The following PKHD1 variants were observed in gnomAD, a reference collection of about 807,000 sequenced individuals.
PKHD1 encodes PKHD1 ciliary IPT domain containing fibrocystin/polyductin.
Under a neutral mutation model 412.0 loss-of-function variants are expected in PKHD1, and 291 were observed. The observed-to-expected ratio is 0.71, with a 90% CI of 0.64 to 0.78. PKHD1 has a LOEUF of 0.78. PKHD1 is among the 30% of genes least tolerant of loss of function. The pLI is 0.00. For missense variants in PKHD1, 4,825 were observed against 4,950.7 expected (o/e 0.97, Z 0.76); for synonymous variants, 1,777 against 1,821.5 (o/e 0.98, Z 0.62).
At chr6:51,963,329 T>A (rs960477246) in intron 35 of PKHD1, among the ~76,000 whole-genome samples, 1 of 152,136 alleles carries the variant, frequency 6.6e-6, no homozygotes, top group African/African-American at 2.4e-5. Flanking sequence ...TGAATACAGA[T>A]GTTTAAGCAT....
At chr6:51,735,005 G>A (rs1222923735) in intron 60 of PKHD1, among the ~76,000 whole-genome samples, 1 of 152,138 alleles carries the variant, frequency 6.6e-6, no homozygotes, top group African/African-American at 2.4e-5. Context: ...TATTATGTAT[G>A]AAGAAGAGGA....
In PKHD1 at chr6:52,051,749, G is replaced by A. The variant is rs139850116; in HGVS notation, c.2140+1327C>T. On this transcript the variant is annotated intron_variant, in intron 21 of 66. Coordinates refer to ENST00000371117, the MANE Select transcript of PKHD1 (RefSeq NM_138694.4). ...TATCCAGTCCTGAGTTTTCCAACTA[G>A]TGGACTCCAGTGTATGAAATATTGA... Among the ~76,000 whole-genome samples the A allele has an allele frequency of 2.8e-3, 377 of 134,780 alleles. 1 individual carries two copies. The highest frequency in any genetic ancestry group is 9.1e-3 in the African/African-American group (364 of 39,888). The allele number at this position is 134,780 out of a possible 152,430, so 88.4% of individuals were successfully genotyped here. A position where few individuals can be genotyped will look rare whatever the true frequency, so the allele number is the denominator to read the frequency against.
intron 66 of PKHD1, among the ~76,000 whole-genome samples, chr6:51,625,761 T>C (rs77762413): frequency 0.029 from 4,393 of 152,302 alleles, 88 homozygotes; most frequent in African/African-American, 0.045. Context: ...TGCCACTCTC[T>C]GCAGATGGCA....
At chr6:51,912,232 C>A in intron 38 of PKHD1, 134 bp downstream of exon 38, 1 of 744,874 alleles carries the variant, frequency 1.3e-6, no homozygotes, top group Non-Finnish European at 2.4e-6. Flanking sequence ...TTTTAATTTT[C>A]TTGTCAAAAT....
chr6:51,805,571 A>G (rs1409830409), intron 52 of PKHD1, among the ~76,000 whole-genome samples: 1 of 152,210 alleles, frequency 6.6e-6, no homozygotes, highest in Admixed American at 6.6e-5. Flanking sequence ...CTGAAAAGCA[A>G]CAGGAATGCC....
chr6:51,853,699 G>C lies in PKHD1; in HGVS notation c.7911+2194C>G, dbSNP rs573363979. On this transcript the variant is annotated intron_variant, in intron 49 of 66. Coordinates refer to ENST00000371117, the MANE Select transcript of PKHD1 (RefSeq NM_138694.4). The stretch of plus-strand genomic sequence containing the variant: ...AACTCTGATATCCTTTCTTTTACTT[G>C]GTCAATTCGGCTGTTGATACTTGTG... Among the ~76,000 whole-genome samples, 6 of 152,044 alleles carry C rather than the reference G, an allele frequency of 3.9e-5. No individual in the cohort carries two copies. The South Asian group carries it at 1.2e-3, about 32-fold the overall frequency.
At position 51,909,284 on chromosome 6, in the gene PKHD1, T is replaced by A. The variant is rs964922934; in HGVS notation, c.6681A>T (p.Arg2227Ser). 25 of 1,612,440 alleles carry A rather than the reference T, an allele frequency of 1.6e-5. No homozygotes were observed. The highest frequency in any genetic ancestry group is 2.0e-5 in the Non-Finnish European group (24 of 1,178,884). ...LSSLTLVGAMRESFIQGCTVR... is the reference protein window; with the variant it reads ...LSSLTLVGAMSESFIQGCTVR... ...AGTCCTAGGTCCGGACCCCCTTACC[T>A]CTCATAGCTCCCACCAGAGTGAGTG... The change falls in exon 40 of 67, where the codon AGA becomes AGT. Residue 2227 changes from arginine to serine, a missense_variant and splice_region_variant. Arg to Ser is a moderately radical substitution (Grantham distance 110). Coordinates refer to ENST00000371117, the MANE Select transcript of PKHD1 (RefSeq NM_138694.4).
At chr6:52,016,493 G>A (rs1057487047) in intron 34 of PKHD1, among the ~76,000 whole-genome samples, 6 of 151,908 alleles carry the variant, frequency 3.9e-5, no homozygotes, top group Non-Finnish European at 7.4e-5. Flanking sequence ...AAAATTAGCT[G>A]GGCGTGGTGG....
chr6:51,755,082 A>G (rs1786740383), intron 55 of PKHD1, 144 bp from the exon 56 acceptor site: 2 of 775,220 alleles, frequency 2.6e-6, no homozygotes, highest in Non-Finnish European at 4.5e-6. Context: ...GGCAGTGGAA[A>G]AAGGCTTTCG....
chr6:51,720,985 G>A, intron 60 of PKHD1: 1 of 983,884 alleles, frequency 1.0e-6, no homozygotes. Context: ...GGCAGCAAAG[G>A]TAGCAATTTT....
Position 52,082,446 on chromosome 6 carries a change from G to A in PKHD1, c.227C>T (p.Pro76Leu), listed in dbSNP as rs753364440. ...NMVVPALRSVPCDVFPVFLDL... is the reference protein window; with the variant it reads ...NMVVPALRSVLCDVFPVFLDL... ...CAAGAAAACAGGAAAGACGTCACAGGGAACACTCCGCAGTGCGGGCACCAC... is the reference window on the plus strand; with the variant it reads ...CAAGAAAACAGGAAAGACGTCACAGAGAACACTCCGCAGTGCGGGCACCAC... The change falls in exon 4 of 67, where the codon CCC becomes CTC. Residue 76 changes from proline to leucine, a missense_variant. Coordinates refer to ENST00000371117, the MANE Select transcript of PKHD1 (RefSeq NM_138694.4). 6 of 1,613,952 alleles carry A rather than the reference G, an allele frequency of 3.7e-6. No homozygotes were observed. In the African/African-American group the frequency reaches 6.7e-5, roughly 18 times the overall value.
chr6:52,072,064 A>C, intron 8 of PKHD1, 51 bp downstream of exon 8: 1 of 1,004,726 alleles, frequency 1.0e-6, no homozygotes, highest in Non-Finnish European at 1.6e-6. Flanking sequence ...TGTTGTATCC[A>C]TGTGGACGAA....
rs118105766 is a variant in PKHD1 at position 51,973,901 on chromosome 6, G to T, written c.5752-13875C>A. ...AGGGATAATGAAAGCTTAGCTATTG[G>T]TTCCAATATCTCATTTTATAAATGT... On this transcript the variant is annotated intron_variant, in intron 35 of 66. Coordinates refer to ENST00000371117, the MANE Select transcript of PKHD1 (RefSeq NM_138694.4). Among the ~76,000 whole-genome samples, 104 of 152,246 alleles carry T rather than the reference G, an allele frequency of 6.8e-4. No individual in the cohort carries two copies. In the East Asian group the frequency reaches 0.019, roughly 27 times the overall value.
intron 60 of PKHD1, among the ~76,000 whole-genome samples, chr6:51,709,554 T>G (rs1439328244): frequency 6.6e-6 from 1 of 152,228 alleles, no homozygotes; most frequent in Non-Finnish European, 1.5e-5. Context: ...TAGTGATCTT[T>G]GTATCAAAAG....
At chr6:52,079,071 C>A (rs1205269450) in intron 5 of PKHD1, among the ~76,000 whole-genome samples, 1 of 152,176 alleles carries the variant, frequency 6.6e-6, no homozygotes, top group Non-Finnish European at 1.5e-5. Context: ...TGAAACAGCT[C>A]TTAAACAGAG....
At chr6:51,697,309 A>C (rs1778918649) in intron 60 of PKHD1, among the ~76,000 whole-genome samples, 1 of 152,250 alleles carries the variant, frequency 6.6e-6, no homozygotes, top group Admixed American at 6.5e-5. Context: ...AATTTGTGTT[A>C]GATTAGCATT....
intron 14 of PKHD1, among the ~76,000 whole-genome samples, chr6:52,061,046 T>A (rs1562259815): frequency 6.6e-6 from 1 of 152,252 alleles, no homozygotes. Flanking sequence ...TGGGGTAGGC[T>A]GACTCACTCC....
intron 35 of PKHD1, chr6:51,975,663 G>C (rs1794305354): frequency 6.7e-6 from 1 of 149,344 alleles, no homozygotes; most frequent in African/African-American, 2.5e-5. Flanking sequence ...AGAAAGTGAA[G>C]TGCAGTGTTG....
intron 60 of PKHD1, among the ~76,000 whole-genome samples, chr6:51,725,536 T>C (rs989280435): frequency 5.9e-5 from 9 of 152,122 alleles, no homozygotes; most frequent in African/African-American, 2.2e-4. Context: ...AACAGAAGTA[T>C]GGGAGCAAGA....
Sources: allele counts gnomAD v4.1 joint callset (sites outside exome capture counted in the v4.1 genomes callset), GRCh38; gene constraint gnomAD v4.1.1; transcripts MANE v1.5; gene names NCBI Gene and HGNC (gene_info 2026-07-23, HGNC 2026-07-21).